DNAH7: variants seen among roughly 807,000 people sequenced by gnomAD.
DNAH7 encodes dynein axonemal heavy chain 7, also known as axonemal beta dynein heavy chain 7.
DNAH7 carries 397 observed loss-of-function variants against 444.6 expected under a neutral mutation model. That is an observed-to-expected ratio of 0.89 (90% confidence interval 0.82 to 0.97). The LOEUF (loss-of-function observed/expected upper bound fraction) is 0.97. Ranked by LOEUF, DNAH7 falls within the 50% of genes least tolerant of loss-of-function variation. DNAH7 has a pLI of 0.00. For synonymous variants in DNAH7, 1,636 were observed against 1,624.4 expected (o/e 1.01, Z -0.17); for missense variants, 4,902 against 4,800.8 (o/e 1.02, Z -0.62).
At chr2:195,976,788 A>AGAGAGAGAGAGAGAGAGT (rs1559295144) in intron 15 of DNAH7, among the ~76,000 whole-genome samples, 1 of 144,482 alleles carries the variant, frequency 6.9e-6, no homozygotes, top group Non-Finnish European at 1.5e-5. Context: ...AGAGAGAGAG[A>AGAGAGAGAGAGAGAGAGT]CTCTCTAATT....
intron 63 of DNAH7, among the ~76,000 whole-genome samples, chr2:195,751,513 G>A (rs1693795156): frequency 6.6e-6 from 1 of 152,208 alleles, no homozygotes; most frequent in Non-Finnish European, 1.5e-5. Flanking sequence ...ACTGTAGTGA[G>A]GGAGAGCGAT....
At chr2:195,792,697 T>C (rs1401687006) in intron 57 of DNAH7, among the ~76,000 whole-genome samples, 1 of 151,880 alleles carries the variant, frequency 6.6e-6, no homozygotes, top group Non-Finnish European at 1.5e-5. Flanking sequence ...CAGAATAAGA[T>C]AATATCCCTA....
intron 57 of DNAH7, among the ~76,000 whole-genome samples, chr2:195,791,952 G>C (rs879757715): frequency 9.9e-5 from 15 of 152,122 alleles, no homozygotes; most frequent in Non-Finnish European, 8.8e-5. Flanking sequence ...GGACCACTTA[G>C]GTCAAGTGTT....
At chr2:195,919,343 TA>T (rs1231144062) in intron 24 of DNAH7, among the ~76,000 whole-genome samples, 1 of 152,150 alleles carries the variant, frequency 6.6e-6, no homozygotes, top group African/African-American at 2.4e-5. Context: ...AATTACTCTT[TA>T]AAAAGTCTTT....
At chr2:195,920,750 A>G (rs558071110) in intron 24 of DNAH7, among the ~76,000 whole-genome samples, 38 of 152,376 alleles carry the variant, frequency 2.5e-4, no homozygotes, top group Non-Finnish European at 5.0e-4. Context: ...GCTTCTGCAC[A>G]TCAAAAGAAA....
At position 196,015,849 on chromosome 2, in the gene DNAH7, T is replaced by A. The variant is rs75973943; in HGVS notation, c.870-2943A>T. Among the ~76,000 whole-genome samples the A allele has an allele frequency of 9.1e-4, 139 of 152,286 alleles. 2 individuals carry two copies. In the East Asian group the frequency reaches 0.025, roughly 27 times the overall value. The stretch of plus-strand genomic sequence containing the variant: ...GGCTACTACTCAGAGGGGTAGCCCT[T>A]GTTGACTGTCCCCCCACTCTTAATA... On this transcript the variant is annotated intron_variant, in intron 9 of 64. Coordinates refer to ENST00000312428, the MANE Select transcript of DNAH7 (RefSeq NM_018897.3).
At chr2:195,967,535 T>C (rs1691564024) in intron 17 of DNAH7, among the ~76,000 whole-genome samples, 2 of 152,360 alleles carry the variant, frequency 1.3e-5, no homozygotes, top group Non-Finnish European at 2.9e-5. Context: ...AAGATAGGTC[T>C]GGTGTTGATG....
chr2:195,815,362 G>A (rs1697172728), intron 51 of DNAH7, among the ~76,000 whole-genome samples: 2 of 151,656 alleles, frequency 1.3e-5, no homozygotes, highest in African/African-American at 4.9e-5. Flanking sequence ...TATATTTTTG[G>A]CCAAGCTCAA....
chr2:195,953,947 G>A (rs1202140899), intron 19 of DNAH7, among the ~76,000 whole-genome samples: 2 of 152,280 alleles, frequency 1.3e-5, no homozygotes, highest in East Asian at 1.9e-4. Context: ...TGGAGAGCAT[G>A]AGCAAAAGCT....
chr2:195,930,002 T>C (rs1346701120), intron 21 of DNAH7, among the ~76,000 whole-genome samples: 1 of 152,162 alleles, frequency 6.6e-6, no homozygotes, highest in Non-Finnish European at 1.5e-5. Context: ...CCAGATTCTA[T>C]AAGGAACTTA....
intron 28 of DNAH7, among the ~76,000 whole-genome samples, chr2:195,898,744 C>A (rs1480952804): frequency 6.6e-6 from 1 of 152,154 alleles, no homozygotes; most frequent in Non-Finnish European, 1.5e-5. Flanking sequence ...GCTGGTCATG[C>A]ACTAAGTTAG....
Position 195,748,480 on chromosome 2 carries a change from A to C in DNAH7, c.11764+5857T>G, listed in dbSNP as rs569520640. Among the ~76,000 whole-genome samples the C allele has an allele frequency of 1.1e-3, 166 of 152,314 alleles. 2 individuals carry two copies. Among genetic ancestry groups the C allele is most frequent in the African/African-American group, 3.8e-3 (158 of 41,558 alleles). ...TGACTTTCTTCACAGAATTGGAAAA[A>C]ACTACTTTAAAGTTCATATGGAACC... On this transcript the variant is annotated intron_variant, in intron 63 of 64. Coordinates refer to ENST00000312428, the MANE Select transcript of DNAH7 (RefSeq NM_018897.3).
At chr2:195,852,025 A>G (rs547865932) in intron 46 of DNAH7, among the ~76,000 whole-genome samples, 29 of 152,228 alleles carry the variant, frequency 1.9e-4, no homozygotes, top group Admixed American at 1.5e-3. Context: ...TTGGGAGGGC[A>G]AGGTGGGCAG....
chr2:195,960,635 G>C lies in DNAH7; in HGVS notation c.2516C>G (p.Pro839Arg), dbSNP rs201758397. Reference protein sequence around the residue: ...SKVEDFKQHIPLIQVICNPGL... With the variant: ...SKVEDFKQHIRLIQVICNPGL... ...AGGATTACAGATCACTTGAATGAGA[G>C]GAATGTGCTGCTTGAAATCTTCCAC... Residue 839 changes from proline to arginine, a missense_variant, in exon 18 of 65, where the codon CCT (proline) becomes CGT (arginine). Transcript: ENST00000312428. The C allele has an allele frequency of 8.4e-5, 136 of 1,614,112 alleles. No homozygotes were observed. Among genetic ancestry groups the C allele is most frequent in the Non-Finnish European group, 7.7e-5 (91 of 1,180,044 alleles).
chr2:195,833,565 C>T (rs2124953278), intron 48 of DNAH7, among the ~76,000 whole-genome samples: 1 of 152,310 alleles, frequency 6.6e-6, no homozygotes, highest in South Asian at 2.1e-4. Context: ...TGATGGGCTA[C>T]ATGAATTTAA....
chr2:195,941,607 C>A (rs1689454882), intron 19 of DNAH7, among the ~76,000 whole-genome samples: 1 of 151,858 alleles, frequency 6.6e-6, no homozygotes, highest in Non-Finnish European at 1.5e-5. Context: ...AGAGATAATG[C>A]AGTTTTGTAT....
At chr2:195,807,070 T>C (rs1036339546) in intron 53 of DNAH7, among the ~76,000 whole-genome samples, 1 of 152,038 alleles carries the variant, frequency 6.6e-6, no homozygotes, top group African/African-American at 2.4e-5. Flanking sequence ...TGAACACTAA[T>C]AAACAGACAA....
At chr2:195,745,519 TC>T (rs1375749460) in intron 63 of DNAH7, among the ~76,000 whole-genome samples, 1 of 151,884 alleles carries the variant, frequency 6.6e-6, no homozygotes, top group Non-Finnish European at 1.5e-5. Flanking sequence ...ACAAAGATAC[TC>T]CTCGAGAAGA....
intron 49 of DNAH7, among the ~76,000 whole-genome samples, chr2:195,819,308 C>T (rs1293685453): frequency 6.6e-6 from 1 of 152,186 alleles, no homozygotes; most frequent in Admixed American, 6.5e-5. Context: ...ACCTCTCTCC[C>T]AGACCAGAAT....
Sources: allele counts gnomAD v4.1 joint callset (sites outside exome capture counted in the v4.1 genomes callset), GRCh38; gene constraint gnomAD v4.1.1; transcripts MANE v1.5; gene names NCBI Gene and HGNC (gene_info 2026-07-23, HGNC 2026-07-21).